The following CSNK2A2IP variants were observed in gnomAD, a reference collection of about 807,000 sequenced individuals.
CSNK2A2IP encodes the protein casein kinase 2 subunit alpha' interacting protein.
the CSNK2A2IP span, among the ~76,000 whole-genome samples, chr3:88,354,374 C>T: frequency 1.3e-5 from 2 of 152,070 alleles, no homozygotes; most frequent in South Asian, 4.1e-4. Context: ...AGGTAGTTGC[C>T]ATTACTATTA....
At chr3:88,446,017 C>CTTTG in the CSNK2A2IP span, among the ~76,000 whole-genome samples, 1 of 100,762 alleles carries the variant, frequency 9.9e-6, no homozygotes, top group East Asian at 2.4e-4. Flanking sequence ...TCTTTCTTTT[C>CTTTG]TTTCTTTGTT....
chr3:88,432,837 T>G, the CSNK2A2IP span, among the ~76,000 whole-genome samples: 1 of 151,154 alleles, frequency 6.6e-6, no homozygotes, highest in African/African-American at 2.4e-5. Flanking sequence ...TAAATGAGCT[T>G]GGATTAACTG....
At chr3:88,395,597 A>C in the CSNK2A2IP span, among the ~76,000 whole-genome samples, 942 of 152,190 alleles carry the variant, frequency 6.2e-3, 8 homozygotes, top group African/African-American at 0.022. Flanking sequence ...AATCTTTTGC[A>C]TTTTTATATT....
chr3:88,364,840 A>G, the CSNK2A2IP span, among the ~76,000 whole-genome samples: 1 of 152,232 alleles, frequency 6.6e-6, no homozygotes, highest in South Asian at 2.1e-4. Context: ...AAGAAATTAT[A>G]AGAAAATTAA....
At chr3:88,351,293 T>C in the CSNK2A2IP span, among the ~76,000 whole-genome samples, 122 of 152,226 alleles carry the variant, frequency 8.0e-4, no homozygotes, top group Admixed American at 1.2e-3. Context: ...AAAAATAATA[T>C]ACCAGAGAGG....
the CSNK2A2IP span, among the ~76,000 whole-genome samples, chr3:88,441,583 T>C: frequency 1.3e-5 from 2 of 152,180 alleles, no homozygotes; most frequent in Non-Finnish European, 2.9e-5. Flanking sequence ...GGTATTTTAT[T>C]GAACATTCTT....
At chr3:88,410,315 C>T in the CSNK2A2IP span, among the ~76,000 whole-genome samples, 8 of 152,008 alleles carry the variant, frequency 5.3e-5, no homozygotes, top group African/African-American at 1.2e-4. Flanking sequence ...TGATTTATTT[C>T]TATAGCTATT....
At chr3:88,356,044 G>A in the CSNK2A2IP span, among the ~76,000 whole-genome samples, 1 of 151,994 alleles carries the variant, frequency 6.6e-6, no homozygotes, top group Non-Finnish European at 1.5e-5. Flanking sequence ...TCAAATAAAG[G>A]TTATTGGGAA....
the CSNK2A2IP span, among the ~76,000 whole-genome samples, chr3:88,344,454 G>A: frequency 6.6e-6 from 1 of 151,888 alleles, no homozygotes. Context: ...GAAAACAACA[G>A]AAATAATAGC....
the CSNK2A2IP span, among the ~76,000 whole-genome samples, chr3:88,412,703 T>A: frequency 6.6e-6 from 1 of 152,114 alleles, no homozygotes; most frequent in Admixed American, 6.6e-5. Flanking sequence ...AACACACACC[T>A]AGATGGCAGA....
the CSNK2A2IP span, among the ~76,000 whole-genome samples, chr3:88,402,031 T>C: frequency 2.6e-5 from 4 of 151,800 alleles, no homozygotes; most frequent in Non-Finnish European, 4.4e-5. Context: ...TGTCTTTTTT[T>C]TTTTTTTGCC....
At chr3:88,380,396 G>A in the CSNK2A2IP span, among the ~76,000 whole-genome samples, 1 of 151,202 alleles carries the variant, frequency 6.6e-6, no homozygotes, top group Non-Finnish European at 1.5e-5. Context: ...CTCACAAAAA[G>A]GATCTTATTT....
At chr3:88,365,878 A>G in the CSNK2A2IP span, among the ~76,000 whole-genome samples, 1 of 152,142 alleles carries the variant, frequency 6.6e-6, no homozygotes, top group Non-Finnish European at 1.5e-5. Flanking sequence ...TCAGCCCTGT[A>G]ATACCATTTT....
chr3:88,461,242 T>G, the CSNK2A2IP span, among the ~76,000 whole-genome samples: 1 of 152,200 alleles, frequency 6.6e-6, no homozygotes, highest in Middle Eastern at 3.4e-3. Flanking sequence ...GAATATAAAC[T>G]TTTAAAAATG....
the CSNK2A2IP span, among the ~76,000 whole-genome samples, chr3:88,416,133 T>C: frequency 1.3e-5 from 2 of 151,702 alleles, 1 homozygote; most frequent in African/African-American, 4.9e-5. Flanking sequence ...TAGCCTGGTG[T>C]GGTGGCACGC....
At chr3:88,464,275 G>T in the CSNK2A2IP span, among the ~76,000 whole-genome samples, 4 of 151,152 alleles carry the variant, frequency 2.6e-5, no homozygotes, top group Non-Finnish European at 5.9e-5. Flanking sequence ...TAACAAACCT[G>T]CATGTTGTGC....
At chr3:88,427,413 C>A in the CSNK2A2IP span, among the ~76,000 whole-genome samples, 3 of 152,176 alleles carry the variant, frequency 2.0e-5, no homozygotes, top group Non-Finnish European at 4.4e-5. Flanking sequence ...AAGCTGGCTG[C>A]AGAAATTTGC....
chr3:88,352,905 C>G, the CSNK2A2IP span, among the ~76,000 whole-genome samples: 4 of 152,024 alleles, frequency 2.6e-5, no homozygotes, highest in African/African-American at 9.7e-5. Flanking sequence ...CAAATTTATC[C>G]TAAACTTCCT....
the CSNK2A2IP span, chr3:88,466,472 T>C: frequency 6.5e-5 from 80 of 1,231,942 alleles, 1 homozygote; most frequent in African/African-American, 6.4e-4. Flanking sequence ...TCAGGTCAAT[T>C]ATTATCAAGC....
Sources: gnomAD v4.1 joint callset for allele counts (sites outside exome capture counted in the v4.1 genomes callset) on GRCh38, gnomAD v4.1.1 for gene constraint, MANE v1.5 for transcripts, NCBI Gene and HGNC (gene_info 2026-07-23, HGNC 2026-07-21) for gene names.